Variants in BBS2 observed in about 807,000 individuals in gnomAD.
BBS2 encodes Bardet-Biedl syndrome 2.
A neutral mutation model predicts 83.0 loss-of-function variants in BBS2; 62 were observed. The ratio of observed to expected loss-of-function variants is 0.75; its 90% CI spans 0.61 to 0.92. The LOEUF (loss-of-function observed/expected upper bound fraction) is 0.92, where lower values mean the gene tolerates loss of function less well. Ranked by LOEUF, BBS2 falls within the 40% of genes least tolerant of loss-of-function variation. BBS2 has a pLI of 0.00. For synonymous variants in BBS2, 303 were observed against 326.1 expected (o/e 0.93, Z 0.76); for missense variants, 784 against 901.0 (o/e 0.87, Z 1.66).
intron 11 of BBS2, chr16:56,500,164 A>G: frequency 2.3e-6 from 1 of 429,414 alleles, no homozygotes; most frequent in Admixed American, 3.6e-5. Context: ...TGTAAAAAGT[A>G]TCTTATCTTC....
intron 15 of BBS2, among the ~76,000 whole-genome samples, chr16:56,490,412 C>T (rs1597006196): frequency 6.6e-6 from 1 of 152,044 alleles, no homozygotes; most frequent in Admixed American, 6.5e-5. Context: ...AATCCCAGCA[C>T]TTTGGGAGGC....
intron 15 of BBS2, among the ~76,000 whole-genome samples, chr16:56,488,053 A>G (rs539977223): frequency 6.6e-6 from 1 of 152,358 alleles, no homozygotes; most frequent in East Asian, 1.9e-4. Flanking sequence ...GTACACTAAA[A>G]GTAGTATACA....
intron 2 of BBS2, among the ~76,000 whole-genome samples, chr16:56,512,462 TGTC>T (rs1469873960): frequency 6.6e-6 from 1 of 152,242 alleles, no homozygotes; most frequent in Non-Finnish European, 1.5e-5. Flanking sequence ...TCCAGCCACT[TGTC>T]TATCACCAAG....
intron 12 of BBS2, 31 bp from the exon 13 acceptor site, chr16:56,498,599 A>G (rs777452417): frequency 1.7e-5 from 28 of 1,613,494 alleles, no homozygotes; most frequent in African/African-American, 2.7e-5. Flanking sequence ...AATGACCTCC[A>G]TTTTTAAGGT....
chr16:56,485,480 G>A, intron 16 of BBS2, 110 bp downstream of exon 16: 1 of 1,411,850 alleles, frequency 7.1e-7, no homozygotes, highest in Non-Finnish European at 1.0e-6. Flanking sequence ...GAGTGTGAAA[G>A]GTATGCTACT....
chr16:56,487,259 TAA>T (rs1963809965), intron 15 of BBS2, among the ~76,000 whole-genome samples: 3 of 151,482 alleles, frequency 2.0e-5, no homozygotes, highest in African/African-American at 2.4e-5. Flanking sequence ...ATTTTTGACT[TAA>T]GAGAGAGATA....
At chr16:56,498,757 A>T in intron 12 of BBS2, 189 bp from the exon 13 acceptor site, 1 of 1,471,102 alleles carries the variant, frequency 6.8e-7, no homozygotes, top group Non-Finnish European at 9.0e-7. Flanking sequence ...ATACTAAAAC[A>T]CTAGTCACAT....
At chr16:56,475,522 A>T in intron 17 of BBS2, 1 of 1,614,044 alleles carries the variant, frequency 6.2e-7, no homozygotes, top group Non-Finnish European at 8.5e-7. Context: ...GAGCCAGAAT[A>T]TGGCGGTTTT....
At chr16:56,478,188 T>C (rs1257794746) in intron 17 of BBS2, 1 of 152,182 alleles carries the variant, frequency 6.6e-6, no homozygotes, top group East Asian at 1.9e-4. Flanking sequence ...AGATGGAGTC[T>C]CACTCTGTGG....
intron 17 of BBS2, chr16:56,478,120 T>C (rs925774289): frequency 2.6e-5 from 4 of 152,208 alleles, no homozygotes; most frequent in Non-Finnish European, 5.9e-5. Flanking sequence ...CCTATGCATA[T>C]GGTAACGAAC....
At chr16:56,488,744 G>A (rs556737327) in intron 15 of BBS2, among the ~76,000 whole-genome samples, 1 of 151,690 alleles carries the variant, frequency 6.6e-6, no homozygotes, top group South Asian at 2.1e-4. Context: ...GAGAGGGGTG[G>A]GCAGAAAGTC....
At chr16:56,511,090 G>C (rs1427258520) in intron 3 of BBS2, 69 bp downstream of exon 3, 1 of 1,596,932 alleles carries the variant, frequency 6.3e-7, no homozygotes, top group African/African-American at 1.3e-5. Flanking sequence ...AGTAGAGTTG[G>C]TGGTTAAAAA....
intron 1 of BBS2, among the ~76,000 whole-genome samples, chr16:56,517,859 G>A (rs1048850178): frequency 1.4e-5 from 2 of 146,894 alleles, no homozygotes; most frequent in East Asian, 2.0e-4. Flanking sequence ...TCACTCTGTC[G>A]CCCAGGCTGG....
rs1359384164 is a variant in BBS2, at chr16:56,475,379, C to A, written c.*1-4684G>T. The A allele has an allele frequency of 1.2e-5, 10 of 848,416 alleles. No individual in the cohort carries two copies. The Admixed American group carries it at 1.9e-4, about 17-fold the overall frequency. 52.6% of individuals were successfully genotyped at this position (848,416 alleles called of 1,614,324 possible). ...AGATGATAAGTTCAAGCTCATAAGT[C>A]ATAGAACCAGTTACTGCTGAACTCC... is the stretch of plus-strand genomic sequence containing the variant. On this transcript the variant is annotated intron_variant, in intron 17 of 17. Transcript: ENST00000682047.
intron 15 of BBS2, 99 bp downstream of exon 15, chr16:56,496,868 G>C: frequency 1.1e-6 from 1 of 934,010 alleles, no homozygotes; most frequent in Non-Finnish European, 1.8e-6. Context: ...CAAAGTCACT[G>C]TAACAATTTA....
chr16:56,510,066 A>G (rs1249379737), intron 4 of BBS2, 32 bp from the exon 5 acceptor site: 2 of 1,604,292 alleles, frequency 1.2e-6, no homozygotes, highest in African/African-American at 2.7e-5. Flanking sequence ...TGTTCAGGTG[A>G]GTAAGTGCAA....
chr16:56,491,373 TAA>T (rs1963947182), intron 15 of BBS2, among the ~76,000 whole-genome samples: 4 of 152,280 alleles, frequency 2.6e-5, no homozygotes, highest in Middle Eastern at 6.8e-3. Flanking sequence ...CAGGTTGTTA[TAA>T]AGTTAGGGCA....
At chr16:56,504,585 G>A (rs562226211) in intron 7 of BBS2, among the ~76,000 whole-genome samples, 1 of 152,176 alleles carries the variant, frequency 6.6e-6, no homozygotes, top group Non-Finnish European at 1.5e-5. Flanking sequence ...GTAGATAATC[G>A]GTTTTTCCAC....
At chr16:56,511,633 T>C (rs868397179) in intron 2 of BBS2, among the ~76,000 whole-genome samples, 5 of 152,324 alleles carry the variant, frequency 3.3e-5, no homozygotes, top group African/African-American at 4.8e-5. Context: ...TGGCCCACCA[T>C]GCAGATTTTT....
Sources: gnomAD v4.1 joint callset for allele counts (sites outside exome capture counted in the v4.1 genomes callset) on GRCh38, gnomAD v4.1.1 for gene constraint, MANE v1.5 for transcripts, NCBI Gene and HGNC (gene_info 2026-07-23, HGNC 2026-07-21) for gene names.